The following KNTC1 variants were observed in gnomAD, a reference collection of about 807,000 sequenced individuals.
KNTC1 encodes kinetochore associated 1.
KNTC1 carries 253 observed loss-of-function variants against 314.4 expected under a neutral mutation model. The ratio of observed to expected loss-of-function variants is 0.80; its 90% confidence interval spans 0.73 to 0.89. KNTC1 has a LOEUF of 0.89. Ranked by LOEUF, KNTC1 falls within the 40% of genes least tolerant of loss-of-function variation. The probability of loss-of-function intolerance (pLI) is 0.00; values close to 1 mark genes in which losing one functional copy is unlikely to be tolerated. For missense variants in KNTC1, 2,475 were observed against 2,572.9 expected (o/e 0.96, Z 0.82); for synonymous variants, 901 against 901.4 (o/e 1.00, Z 0.01).
chr12:122,564,355 A>G (rs1056522010), intron 20 of KNTC1, among the ~76,000 whole-genome samples: 4 of 152,184 alleles, frequency 2.6e-5, no homozygotes, highest in Non-Finnish European at 5.9e-5. Flanking sequence ...ATATAATTCT[A>G]AGTAATGAAG....
intron 3 of KNTC1, among the ~76,000 whole-genome samples, chr12:122,536,543 A>G (rs1419266933): frequency 7.1e-6 from 1 of 140,014 alleles, no homozygotes; most frequent in Non-Finnish European, 1.5e-5. Context: ...TTTCCCTGAG[A>G]CAGTCTCGCT....
chr12:122,609,361 C>CT, intron 51 of KNTC1, 23 bp from the exon 52 acceptor site: 6 of 1,522,186 alleles, frequency 3.9e-6, no homozygotes, highest in Admixed American at 2.0e-5. Context: ...AGTTTTTGAC[C>CT]TTTTTTTCCT....
intron 16 of KNTC1, among the ~76,000 whole-genome samples, chr12:122,556,562 C>T (rs1310899640): frequency 6.0e-5 from 9 of 151,126 alleles, no homozygotes; most frequent in Non-Finnish European, 1.0e-4. Flanking sequence ...CAAGCTCCGC[C>T]TCCCGGGTTC....
At position 122,618,339 on chromosome 12, in the gene KNTC1, A is replaced by C. The variant is rs368587007; in HGVS notation, c.6031-4A>C. 2.0e-5 allele frequency: 32 copies of C among 1,613,164 alleles called. No individual in the cohort carries two copies. Among genetic ancestry groups the C allele is most frequent in the Non-Finnish European group, 2.5e-5 (30 of 1,179,398 alleles). On this transcript the variant is annotated splice_polypyrimidine_tract_variant and splice_region_variant and intron_variant, in intron 57 of 63. Transcript: ENST00000333479. Reference sequence around the variant, plus strand: ...ATATCCCAAACGTGGACTTGTTTTCACAGGTTCCCTACTTCAGCAAAGCGT... The same window carrying C: ...ATATCCCAAACGTGGACTTGTTTTCCCAGGTTCCCTACTTCAGCAAAGCGT...
chr12:122,602,546 A>G (rs751605534), intron 45 of KNTC1, 23 bp from the exon 46 acceptor site: 3 of 1,529,550 alleles, frequency 2.0e-6, no homozygotes, highest in Non-Finnish European at 2.7e-6. Flanking sequence ...CTTACTGGAC[A>G]AAAGTTTTTT....
In KNTC1 at chr12:122,615,014, G is replaced by A; in HGVS notation, c.5901G>A (p.Leu1967=). The A allele has an allele frequency of 3.1e-6, 5 of 1,613,368 alleles. No individual in the cohort carries two copies. The highest frequency in any genetic ancestry group is 4.2e-6 in the Non-Finnish European group (5 of 1,179,608). Residue 1967 remains leucine (L), a synonymous_variant, in exon 56 of 64, where the codon CTG becomes CTA. Coordinates refer to ENST00000333479, the MANE Select transcript of KNTC1 (RefSeq NM_014708.6). ...ESMAVRLVTE[L]CLEYKIYDLQ... ...AGGCAGTAAGATTGGTGACTGAGCT[G>A]TGTTTAGAATACAAAATCTATGACC...
chr12:122,530,166 T>C lies in KNTC1; in HGVS notation c.103T>C (p.Leu35=), dbSNP rs769197335. 1 of 1,613,450 alleles carries C rather than the reference T, an allele frequency of 6.2e-7. No homozygotes were observed. The highest frequency in any genetic ancestry group is 2.2e-5 in the East Asian group (1 of 44,854). ...TGGAACTGCTTTATATCAAGTAGAT[T>C]TGCTAGTGAAGATCTCTTCTGAAAA... ...EHGTALYQVD[L]LVKISSEKAS... Residue 35 remains leucine (L), a synonymous_variant, in exon 2 of 64, where the codon TTG becomes CTG. Coordinates refer to ENST00000333479, the MANE Select transcript of KNTC1 (RefSeq NM_014708.6).
chr12:122,544,132 A>G lies in KNTC1; in HGVS notation c.559-27A>G, dbSNP rs1330926973. 4.3e-6 allele frequency: 4 copies of G among 921,780 alleles called. No individual in the cohort carries two copies. In the African/African-American group the frequency reaches 5.1e-5, roughly 12 times the overall value. The allele number at this position is 921,780 out of a possible 1,614,324, so 57.1% of individuals were successfully genotyped here. ...TGGAGCATAAATATGTATTATATAT[A>G]TGACGTTGTTGTTTTTAATTTTGCA... On this transcript the variant is annotated intron_variant, in intron 7 of 63. Transcript: ENST00000333479.
chr12:122,578,088 G>T (rs979131839), intron 31 of KNTC1, among the ~76,000 whole-genome samples: 1 of 152,176 alleles, frequency 6.6e-6, no homozygotes, highest in Non-Finnish European at 1.5e-5. Flanking sequence ...ACAATGTTTT[G>T]TGTTATATAG....
chr12:122,621,434 C>G (rs1046264318), intron 60 of KNTC1, among the ~76,000 whole-genome samples: 1 of 152,164 alleles, frequency 6.6e-6, no homozygotes, highest in Non-Finnish European at 1.5e-5. Context: ...TCACTGCAGC[C>G]TCCCTCCCGG....
intron 4 of KNTC1, 28 bp from the exon 5 acceptor site, chr12:122,539,644 AATTT>A: frequency 7.1e-7 from 1 of 1,402,656 alleles, no homozygotes; most frequent in Non-Finnish European, 9.7e-7. Flanking sequence ...TTCTATGTTT[AATTT>A]TATTATTTGA....
intron 8 of KNTC1, among the ~76,000 whole-genome samples, chr12:122,545,248 A>G (rs1962668282): frequency 6.6e-6 from 1 of 152,160 alleles, no homozygotes; most frequent in Non-Finnish European, 1.5e-5. Context: ...TATATTAAGA[A>G]GTAGTCAGCT....
intron 42 of KNTC1, 168 bp from the exon 43 acceptor site, chr12:122,594,108 A>G: frequency 1.7e-6 from 1 of 588,378 alleles, no homozygotes; most frequent in South Asian, 2.1e-5. Context: ...TGTACACCTC[A>G]AATCTCAGAA....
At chr12:122,585,848 T>C in intron 37 of KNTC1, 74 bp downstream of exon 37, 1 of 1,419,702 alleles carries the variant, frequency 7.0e-7, no homozygotes, top group Non-Finnish European at 9.9e-7. Flanking sequence ...GGTTTGGAGC[T>C]AGAACTACAC....
intron 29 of KNTC1, 72 bp from the exon 30 acceptor site, chr12:122,576,823 T>G (rs1177076172): frequency 1.5e-5 from 19 of 1,280,540 alleles, no homozygotes; most frequent in Non-Finnish European, 2.0e-5. Flanking sequence ...GCCACTTTGC[T>G]CTTATAAGCA....
intron 45 of KNTC1, 183 bp from the exon 46 acceptor site, chr12:122,602,386 T>G: frequency 2.1e-6 from 1 of 477,510 alleles, no homozygotes; most frequent in Non-Finnish European, 3.7e-6. Context: ...CTTTAATCAT[T>G]GTATATAAAT....
rs1428436394 is a variant in KNTC1 at position 122,563,806 on chromosome 12, C to T, written c.1604+1107C>T. 12 of 1,469,246 alleles carry T rather than the reference C, an allele frequency of 8.2e-6. No individual in the cohort carries two copies. The East Asian group carries it at 3.0e-4, about 37-fold the overall frequency. 91.0% of individuals were successfully genotyped at this position (1,469,246 alleles called of 1,614,324 possible). On this transcript the variant is annotated intron_variant, in intron 20 of 63. Transcript: ENST00000333479. ...TATGATGACTCTTCCACAGTTTTTT[C>T]AGCTTCAGCAGGAGGCAAAGACTTC...
rs930931941 is a variant in KNTC1 at position 122,610,857 on chromosome 12, A to G, written c.5579A>G (p.Tyr1860Cys). 2 of 1,613,454 alleles carry G rather than the reference A, an allele frequency of 1.2e-6. No homozygotes were observed. The highest frequency in any genetic ancestry group is 1.7e-6 in the Non-Finnish European group (2 of 1,179,628). ...QYLLLSRPID[Y>C]SSRMLFVFAT... ...CTCCTCCTGTCTCGTCCAATTGATTATAGTTCAAGAATGCTGTTTGTATTT... is the reference window on the plus strand; with the variant it reads ...CTCCTCCTGTCTCGTCCAATTGATTGTAGTTCAAGAATGCTGTTTGTATTT... The change falls in exon 53 of 64, where the codon TAT becomes TGT. Residue 1860 changes from tyrosine to cysteine, a missense_variant. Coordinates refer to ENST00000333479, the MANE Select transcript of KNTC1 (RefSeq NM_014708.6).
intron 2 of KNTC1, among the ~76,000 whole-genome samples, chr12:122,531,315 T>C (rs1961299899): frequency 6.6e-6 from 1 of 152,120 alleles, no homozygotes; most frequent in African/African-American, 2.4e-5. Context: ...CAAAAAATTC[T>C]CCTGTCTCAA....
Sources: allele counts gnomAD v4.1 joint callset (sites outside exome capture counted in the v4.1 genomes callset), GRCh38; gene constraint gnomAD v4.1.1; transcripts MANE v1.5; gene names NCBI Gene and HGNC (gene_info 2026-07-23, HGNC 2026-07-21).